FEZ2: variants seen among roughly 807,000 people sequenced by gnomAD.
The protein encoded by FEZ2 is fasciculation and elongation protein zeta 2, also known as fasciculation and elongation protein zeta-2.
A neutral mutation model predicts 40.4 loss-of-function variants in FEZ2; 51 were observed. The ratio of observed to expected loss-of-function variants is 1.26; its 90% CI spans 1.01 to 1.59. The LOEUF is 1.59. FEZ2 is among the 40% of genes most tolerant of loss of function. FEZ2 has a pLI of 0.00. For synonymous variants in FEZ2, 242 were observed against 172.0 expected, an observed-to-expected ratio of 1.41 and a Z score of -3.18; for missense variants, 640 against 438.3, an observed-to-expected ratio of 1.46 and a Z score of -4.11.
chr2:36,581,281 C>T lies in FEZ2; in HGVS notation c.634+9G>A, dbSNP rs1177260153. The T allele has an allele frequency of 1.2e-6, 2 of 1,610,420 alleles. No individual in the cohort carries two copies. Among genetic ancestry groups the T allele is most frequent in the South Asian group, 1.1e-5 (1 of 90,330 alleles). ...CACAGAAATCATTGATTTCAGCAGG[C>T]TCCCTTACTCTCTTCATAACTGCCG... On this transcript the variant is annotated intron_variant, in intron 4 of 7. Transcript: ENST00000405912.
intron 5 of FEZ2, among the ~76,000 whole-genome samples, chr2:36,574,800 C>T (rs1668514826): frequency 6.6e-6 from 1 of 152,168 alleles, no homozygotes; most frequent in Non-Finnish European, 1.5e-5. Context: ...AGACAGTGCC[C>T]TTTAACCACT....
At chr2:36,568,254 AG>A (rs1668304659) in intron 5 of FEZ2, among the ~76,000 whole-genome samples, 1 of 152,226 alleles carries the variant, frequency 6.6e-6, no homozygotes, top group Non-Finnish European at 1.5e-5. Flanking sequence ...TCAAGGTTAA[AG>A]TACCAAAGAC....
At chr2:36,583,329 C>T (rs765192359) in intron 3 of FEZ2, 24 bp downstream of exon 3, 9 of 1,170,642 alleles carry the variant, frequency 7.7e-6, no homozygotes, top group Admixed American at 1.8e-5. Flanking sequence ...CCTTTCCTTG[C>T]GTTGCTGAGG....
intron 2 of FEZ2, among the ~76,000 whole-genome samples, chr2:36,587,039 T>A (rs902250875): frequency 6.6e-6 from 1 of 152,174 alleles, no homozygotes; most frequent in Non-Finnish European, 1.5e-5. Context: ...AAAGTCCCTG[T>A]CCTGAAAGAA....
chr2:36,567,045 C>T lies in FEZ2; in HGVS notation c.904-8532G>A, dbSNP rs549799627. Among the ~76,000 whole-genome samples, 48 of 152,250 alleles carry T rather than the reference C, an allele frequency of 3.2e-4. 1 individual carries two copies. In the South Asian group the frequency reaches 8.9e-3, roughly 28 times the overall value. ...AGATGATACATTCAGAGTCCAGTGG[C>T]TTCATTTTCTTATGAGGAAATGACT... is the stretch of plus-strand genomic sequence containing the variant. On this transcript the variant is annotated intron_variant, in intron 5 of 7. Coordinates refer to ENST00000405912, the MANE Select transcript of FEZ2 (RefSeq NM_005102.3).
chr2:36,596,508 G>A (rs1351836982), intron 1 of FEZ2, among the ~76,000 whole-genome samples: 1 of 152,194 alleles, frequency 6.6e-6, no homozygotes, highest in Non-Finnish European at 1.5e-5. Context: ...CCAGGCTGGA[G>A]TGCAGTTGTG....
rs574931171 is a variant in FEZ2 at position 36,597,998 on chromosome 2, C to G, written c.145G>C (p.Ala49Pro). 588 of 1,493,800 alleles carry G rather than the reference C, an allele frequency of 3.9e-4. 5 individuals carry two copies. In the African/African-American group the frequency reaches 7.7e-3, roughly 20 times the overall value. The allele number at this position is 1,493,800 out of a possible 1,614,324, so 92.5% of individuals were successfully genotyped here. Residue 49 changes from alanine (A) to proline (P), a missense_variant, in exon 1 of 8, where the codon GCC becomes CCC. Ala to Pro is a conservative substitution (Grantham distance 27). Coordinates refer to ENST00000405912, the MANE Select transcript of FEZ2 (RefSeq NM_005102.3). The stretch of plus-strand genomic sequence containing the variant: ...TTCTCCTCCAAGCTGCAGGCCGGGG[C>G]CGGGAAACCGTCGGCGCCCCCACCC... ...EAGGGADGFPAPACSLEEKLS... is the reference protein window; with the variant it reads ...EAGGGADGFPPPACSLEEKLS...
At chr2:36,559,922 A>C (rs1229156130) in intron 5 of FEZ2, among the ~76,000 whole-genome samples, 1 of 152,220 alleles carries the variant, frequency 6.6e-6, no homozygotes, top group Non-Finnish European at 1.5e-5. Context: ...CCTCTTTAAT[A>C]GGAATGATCT....
rs1462657389 is a variant in FEZ2, at chr2:36,578,798, C to T, written c.702G>A (p.Glu234=). The change falls in exon 5 of 8, where the codon GAG becomes GAA. Residue 234 remains glutamate (E), a synonymous_variant. Transcript: ENST00000405912. ...ILEEIETAIK[E]YSEELVQQLA... is the part of the protein sequence containing the mutation. ...ACTGCTGCACCAGCTCCTCAGAGTA[C>T]TCCTTAATGGCAGTCTCAATTTCTT... The T allele has an allele frequency of 1.2e-6, 2 of 1,613,836 alleles. No individual in the cohort carries two copies. Among genetic ancestry groups the T allele is most frequent in the South Asian group, 1.1e-5 (1 of 91,074 alleles).
At chr2:36,593,278 A>G (rs1003017392) in intron 1 of FEZ2, among the ~76,000 whole-genome samples, 3 of 152,082 alleles carry the variant, frequency 2.0e-5, no homozygotes, top group East Asian at 2.0e-4. Context: ...AACCCCTGAT[A>G]AACTCATGGA....
intron 2 of FEZ2, among the ~76,000 whole-genome samples, chr2:36,584,366 G>A (rs1391298958): frequency 1.3e-5 from 2 of 152,194 alleles, no homozygotes; most frequent in Non-Finnish European, 2.9e-5. Flanking sequence ...GCCAGCCCTG[G>A]GGGATTGCAC....
chr2:36,565,561 T>C (rs1668213261), intron 5 of FEZ2, among the ~76,000 whole-genome samples: 1 of 152,130 alleles, frequency 6.6e-6, no homozygotes, highest in Admixed American at 6.5e-5. Flanking sequence ...CCCTCTGCTG[T>C]CTGTGCCTGT....
At chr2:36,579,810 T>C (rs1453233834) in intron 4 of FEZ2, among the ~76,000 whole-genome samples, 2 of 152,220 alleles carry the variant, frequency 1.3e-5, no homozygotes, top group Non-Finnish European at 2.9e-5. Context: ...CATTTCAGTC[T>C]TTTCTCAGCA....
At chr2:36,556,127 C>T (rs1441929790) in intron 6 of FEZ2, 1 of 443,928 alleles carries the variant, frequency 2.3e-6, no homozygotes, top group East Asian at 7.1e-5. Flanking sequence ...AGCAAGAAAA[C>T]CTCAGTGCTG....
rs1229460356 is a variant in FEZ2, at chr2:36,583,444, G to A, written c.401C>T (p.Thr134Ile). 1.3e-6 allele frequency: 2 copies of A among 1,590,934 alleles called. No individual in the cohort carries two copies. Among genetic ancestry groups the A allele is most frequent in the Admixed American group, 3.3e-5 (2 of 59,944 alleles). The change falls in exon 3 of 8, where the codon ACA (threonine) becomes ATA (isoleucine). Residue 134 changes from threonine to isoleucine, a missense_variant. Transcript: ENST00000405912. ...TTCTCTCAGCTCTTCATCATCTGAT[G>A]TATCAAAGAGCAAACTGTCACTTAC... ...KGVSDSLLFDTSDDEELREQL... is the reference protein window; with the variant it reads ...KGVSDSLLFDISDDEELREQL...
At chr2:36,581,470 A>G (rs1262772966) in intron 3 of FEZ2, 39 bp from the exon 4 acceptor site, 1 of 1,594,912 alleles carries the variant, frequency 6.3e-7, no homozygotes, top group Non-Finnish European at 8.6e-7. Flanking sequence ...CAAATATACA[A>G]AAGGAAAATG....
rs3770802 is a variant in FEZ2, at chr2:36,559,723, G to A, written c.904-1210C>T. Among the ~76,000 whole-genome samples, 114 of 152,282 alleles carry A rather than the reference G, an allele frequency of 7.5e-4. 1 individual carries two copies. In the East Asian group the frequency reaches 0.018, roughly 24 times the overall value. On this transcript the variant is annotated intron_variant, in intron 5 of 7. Coordinates refer to ENST00000405912, the MANE Select transcript of FEZ2 (RefSeq NM_005102.3). ...GAGGCAACCTGGAGAGGCACCAGGC[G>A]GCTGCACCCTGGCCCGCTCTCTGGC...
intron 7 of FEZ2, 118 bp from the exon 8 acceptor site, chr2:36,553,297 A>T: frequency 1.3e-6 from 1 of 790,986 alleles, no homozygotes. Flanking sequence ...ATGTTAATGC[A>T]AAGATCTATG....
chr2:36,590,718 C>G (rs1346806290), intron 2 of FEZ2, 185 bp downstream of exon 2: 3 of 525,528 alleles, frequency 5.7e-6, no homozygotes, highest in East Asian at 3.2e-5. Flanking sequence ...TGGAGAAGAA[C>G]TGGAGGAATG....
Sources: allele counts gnomAD v4.1 joint callset (sites outside exome capture counted in the v4.1 genomes callset), GRCh38; gene constraint gnomAD v4.1.1; transcripts MANE v1.5; gene names NCBI Gene and HGNC (gene_info 2026-07-23, HGNC 2026-07-21).